The following RIMS2 variants were observed in gnomAD, a reference collection of about 807,000 sequenced individuals.
The protein encoded by RIMS2 is regulating synaptic membrane exocytosis protein 2.
In RIMS2, 59 loss-of-function variants were observed where a neutral mutation model predicts 174.4. The observed-to-expected ratio is 0.34, with a 90% CI of 0.27 to 0.42. RIMS2 has a LOEUF of 0.42. Ranked by LOEUF, RIMS2 falls within the 10% of genes least tolerant of loss-of-function variation. RIMS2 has a pLI of 1.00. For synonymous variants in RIMS2, 606 were observed against 572.5 expected, an observed-to-expected ratio of 1.06 and a Z score of -0.84; for missense variants, 1,620 against 1,666.3, an observed-to-expected ratio of 0.97 and a Z score of 0.48.
chr8:104,075,438 C>T (rs961108447), intron 19 of RIMS2, among the ~76,000 whole-genome samples: 2 of 152,156 alleles, frequency 1.3e-5, no homozygotes, highest in African/African-American at 4.8e-5. Flanking sequence ...CATAGTCTAA[C>T]AGATATCCAG....
chr8:103,934,296 AG>A (rs1483520715), intron 12 of RIMS2, among the ~76,000 whole-genome samples: 7 of 152,132 alleles, frequency 4.6e-5, no homozygotes, highest in African/African-American at 1.7e-4. Context: ...TATTATAATT[AG>A]GCTTTTATTT....
At chr8:103,935,644 T>C (rs1365017601) in intron 12 of RIMS2, among the ~76,000 whole-genome samples, 1 of 152,188 alleles carries the variant, frequency 6.6e-6, no homozygotes, top group African/African-American at 2.4e-5. Flanking sequence ...GTAGCTTAAA[T>C]TGTATTTCCT....
chr8:103,731,213 C>T (rs2097589228), intron 2 of RIMS2, among the ~76,000 whole-genome samples: 1 of 152,176 alleles, frequency 6.6e-6, no homozygotes, highest in Non-Finnish European at 1.5e-5. Context: ...CAAACCATAT[C>T]ACAGTGGATG....
intron 1 of RIMS2, among the ~76,000 whole-genome samples, chr8:103,654,558 A>G (rs1216573780): frequency 6.6e-6 from 1 of 151,970 alleles, no homozygotes; most frequent in Admixed American, 6.6e-5. Context: ...TTCATCTTAC[A>G]TTCTTGTTAC....
At chr8:103,680,013 A>G (rs1290920617) in intron 1 of RIMS2, among the ~76,000 whole-genome samples, 2 of 152,128 alleles carry the variant, frequency 1.3e-5, no homozygotes, top group Non-Finnish European at 2.9e-5. Flanking sequence ...TGTATGGACC[A>G]CAAGGCCTAA....
intron 20 of RIMS2, among the ~76,000 whole-genome samples, chr8:104,247,604 T>C (rs1563987361): frequency 1.3e-5 from 2 of 152,158 alleles, no homozygotes; most frequent in East Asian, 1.9e-4. Flanking sequence ...GGCTCCAAGG[T>C]TGACCAGTTG....
rs1194550934 is a variant in RIMS2 at position 103,575,677 on chromosome 8, C to CATAT, written c.176+74616_176+74617insTATA. On this transcript the variant is annotated intron_variant, in intron 1 of 23. Transcript: ENST00000504942. Reference sequence around the variant, plus strand: ...ATATATATAAACACACACATACACACACACACACATATATATATATATACA... The same window carrying CATAT: ...ATATATATAAACACACACATACACACATATACACACACATATATATATATATACA... Among the ~76,000 whole-genome samples the CATAT allele has an allele frequency of 5.8e-5, 5 of 85,920 alleles. No homozygotes were observed. In the Admixed American group the frequency reaches 5.9e-4, roughly 10 times the overall value. 56.4% of individuals were successfully genotyped at this position (85,920 alleles called of 152,430 possible). A position where few individuals can be genotyped will look rare whatever the true frequency, so the allele number is the denominator to read the frequency against.
chr8:103,641,852 T>A (rs2096238698), intron 1 of RIMS2, among the ~76,000 whole-genome samples: 1 of 152,138 alleles, frequency 6.6e-6, no homozygotes, highest in Admixed American at 6.6e-5. Context: ...CCTCATCTGA[T>A]GCAGATGCTG....
intron 2 of RIMS2, among the ~76,000 whole-genome samples, chr8:103,710,596 T>C (rs1439152769): frequency 6.6e-6 from 1 of 152,152 alleles, no homozygotes; most frequent in Non-Finnish European, 1.5e-5. Context: ...CAATAAGGAT[T>C]ATTTTAAGCG....
chr8:104,152,581 A>T (rs576231362), intron 19 of RIMS2, among the ~76,000 whole-genome samples: 2 of 152,268 alleles, frequency 1.3e-5, no homozygotes, highest in Non-Finnish European at 2.9e-5. Flanking sequence ...ATTTGAAACA[A>T]ATCTTCAAAT....
At chr8:103,902,891 AACTTT>A (rs1337021483) in intron 4 of RIMS2, among the ~76,000 whole-genome samples, 1 of 152,144 alleles carries the variant, frequency 6.6e-6, no homozygotes, top group African/African-American at 2.4e-5. Context: ...TTGATTAGAG[AACTTT>A]TAAATTACTC....
At chr8:103,903,085 A>T (rs1157841646) in intron 4 of RIMS2, among the ~76,000 whole-genome samples, 3 of 152,078 alleles carry the variant, frequency 2.0e-5, no homozygotes, top group African/African-American at 7.2e-5. Flanking sequence ...TATTTTTTTA[A>T]AAAATGATGA....
At chr8:104,064,205 TAAG>T (rs1423163224) in intron 19 of RIMS2, among the ~76,000 whole-genome samples, 5 of 152,290 alleles carry the variant, frequency 3.3e-5, no homozygotes, top group East Asian at 1.9e-4. Flanking sequence ...ATTTTTTATT[TAAG>T]AAGAAGTAAA....
At chr8:103,743,111 G>A (rs1479323519) in intron 2 of RIMS2, among the ~76,000 whole-genome samples, 4 of 152,120 alleles carry the variant, frequency 2.6e-5, no homozygotes, top group African/African-American at 9.7e-5. Context: ...TATAACTGTA[G>A]CATCACTAAT....
At chr8:104,169,524 A>G (rs1441866767) in intron 19 of RIMS2, among the ~76,000 whole-genome samples, 3 of 151,630 alleles carry the variant, frequency 2.0e-5, no homozygotes, top group African/African-American at 4.8e-5. Context: ...TATCGGCTGT[A>G]ATATCTCCAG....
At chr8:103,950,279 A>C (rs1317880354) in intron 14 of RIMS2, among the ~76,000 whole-genome samples, 1 of 152,194 alleles carries the variant, frequency 6.6e-6, no homozygotes, top group African/African-American at 2.4e-5. Flanking sequence ...TTTATGAAAC[A>C]AACATTACTC....
chr8:103,633,591 A>G (rs2096001026), intron 1 of RIMS2, among the ~76,000 whole-genome samples: 1 of 152,080 alleles, frequency 6.6e-6, no homozygotes, highest in Admixed American at 6.6e-5. Flanking sequence ...GTTATTTCAT[A>G]TAGTTTCTGT....
At chr8:103,824,714 C>G (rs1440899519) in intron 3 of RIMS2, among the ~76,000 whole-genome samples, 2 of 152,100 alleles carry the variant, frequency 1.3e-5, no homozygotes, top group Admixed American at 1.3e-4. Context: ...ATGTTTGGTT[C>G]TAAGAAACAC....
rs552113237 is a variant in RIMS2 at position 103,622,624 on chromosome 8, G to A, written c.177-74462G>A. Among the ~76,000 whole-genome samples the A allele has an allele frequency of 1.2e-3, 182 of 152,218 alleles. 1 individual carries two copies. The highest frequency in any genetic ancestry group is 2.2e-3 in the Non-Finnish European group (151 of 68,010). The stretch of plus-strand genomic sequence containing the variant: ...TCTCATACATACAGATGCACATTCC[G>A]TTTTCAAAGTCCTCAAGAAAAGGGA... On this transcript the variant is annotated intron_variant, in intron 1 of 23. Transcript: ENST00000504942.
Sources: gnomAD v4.1 joint callset for allele counts (sites outside exome capture counted in the v4.1 genomes callset) on GRCh38, gnomAD v4.1.1 for gene constraint, MANE v1.5 for transcripts, NCBI Gene and HGNC (gene_info 2026-07-23, HGNC 2026-07-21) for gene names.